The following SEC23B variants were observed in gnomAD, a reference collection of about 807,000 sequenced individuals.
SEC23B encodes protein transport protein Sec23B.
A neutral mutation model predicts 104.3 loss-of-function variants in SEC23B; 77 were observed. The observed-to-expected ratio is 0.74, with a 90% CI of 0.61 to 0.89. The LOEUF (loss-of-function observed/expected upper bound fraction) is 0.89. Among genes scored for constraint, SEC23B ranks in the 40% least tolerant of loss-of-function variants. SEC23B has a pLI of 0.00. For missense variants in SEC23B, 885 were observed against 949.4 expected (o/e 0.93, Z 0.89); for synonymous variants, 338 against 332.5 (o/e 1.02, Z -0.18).
intron 19 of SEC23B, among the ~76,000 whole-genome samples, chr20:18,556,872 T>C (rs2060444261): frequency 6.6e-6 from 1 of 152,202 alleles, no homozygotes; most frequent in African/African-American, 2.4e-5. Context: ...GGCATGCGCC[T>C]GTAGTCCCAG....
chr20:18,516,819 C>T (rs913180440), intron 4 of SEC23B, among the ~76,000 whole-genome samples: 1 of 152,048 alleles, frequency 6.6e-6, no homozygotes, highest in African/African-American at 2.4e-5. Flanking sequence ...TCCGAAAGTG[C>T]TGGGATTACA....
intron 12 of SEC23B, among the ~76,000 whole-genome samples, chr20:18,538,698 A>G (rs1238272013): frequency 6.6e-6 from 1 of 152,198 alleles, no homozygotes; most frequent in Non-Finnish European, 1.5e-5. Flanking sequence ...CAATTCTCTT[A>G]AACTTTGCTG....
intron 12 of SEC23B, among the ~76,000 whole-genome samples, chr20:18,536,026 C>T (rs777317379): frequency 2.0e-5 from 3 of 152,128 alleles, no homozygotes; most frequent in Non-Finnish European, 4.4e-5. Context: ...TTTAGTGCAT[C>T]GGTTCTTTCC....
chr20:18,537,040 G>A (rs2060238212), intron 12 of SEC23B, among the ~76,000 whole-genome samples: 2 of 152,174 alleles, frequency 1.3e-5, no homozygotes, highest in African/African-American at 4.8e-5. Context: ...CATATAAGTG[G>A]ACCTGTACAG....
At chr20:18,537,649 A>G (rs574975331) in intron 12 of SEC23B, among the ~76,000 whole-genome samples, 166 of 152,286 alleles carry the variant, frequency 1.1e-3, no homozygotes, top group Non-Finnish European at 1.8e-3. Context: ...TGATGAGTTA[A>G]TGGGTACAGC....
chr20:18,524,840 A>G (rs1027234786), intron 5 of SEC23B, 95 bp from the exon 6 acceptor site: 1 of 1,400,164 alleles, frequency 7.1e-7, no homozygotes, highest in South Asian at 1.2e-5. Flanking sequence ...CTAGAGGCAC[A>G]TGCCACCACA....
At chr20:18,548,168 C>G (rs897451957) in intron 15 of SEC23B, among the ~76,000 whole-genome samples, 1 of 152,042 alleles carries the variant, frequency 6.6e-6, no homozygotes, top group Non-Finnish European at 1.5e-5. Context: ...TCAGGCTGGT[C>G]TTGAACTCCC....
Position 18,554,358 on chromosome 20 carries a change from C to T in SEC23B, c.2116C>T (p.Arg706Cys), listed in dbSNP as rs766037721. The T allele has an allele frequency of 6.2e-6, 10 of 1,614,038 alleles. No homozygotes were observed. The highest frequency in any genetic ancestry group is 1.7e-5 in the Admixed American group (1 of 59,996). Residue 706 changes from arginine (R) to cysteine (C), a missense_variant, in exon 18 of 20, where the codon CGT (arginine) becomes TGT (cysteine). Transcript: ENST00000650089. ...EILQARFPMP[R>C]YINTEHGGSQ... ...TCTGCAAGCACGCTTCCCGATGCCA[C>T]GTTACATCAACACGGAGCATGGAGG...
Position 18,526,048 on chromosome 20 carries a change from A to G in SEC23B, c.834+116A>G, listed in dbSNP as rs113825530. On this transcript the variant is annotated intron_variant, in intron 7 of 19. Transcript: ENST00000650089. ...CTAAGTCAACCGTCTGTGTTAATGT[A>G]TCAGAAAGCATTTGAGGCATCATTA... The G allele has an allele frequency of 0.011, 13,678 of 1,229,084 alleles. 117 individuals are homozygous for G. Among genetic ancestry groups the G allele is most frequent in the Middle Eastern group, 0.018 (82 of 4,436 alleles). 76.1% of individuals were successfully genotyped at this position (1,229,084 alleles called of 1,614,324 possible).
In SEC23B at chr20:18,542,293, C is replaced by T. The variant is rs1483933002; in HGVS notation, c.1405-3C>T. 1 of 1,613,914 alleles carries T rather than the reference C, an allele frequency of 6.2e-7. No individual in the cohort carries two copies. Among genetic ancestry groups the T allele is most frequent in the Non-Finnish European group, 8.5e-7 (1 of 1,179,834 alleles). On this transcript the variant is annotated splice_region_variant and splice_polypyrimidine_tract_variant and intron_variant, in intron 12 of 19. Coordinates refer to ENST00000650089, the MANE Select transcript of SEC23B (RefSeq NM_006363.6). ...GACAAGGTTATGGCCTCTCATCCTA[C>T]AGCACAACACCCCGATCCCCCAAGG...
rs1171367805 is a variant in SEC23B at position 18,548,629 on chromosome 20, A to G, written c.1764A>G (p.Arg588=). ...LYPQFMFHLR[R]SPFLQVFNNS... ...TGCAGTTTATGTTCCATCTGAGAAG[A>G]TCTCCATTTCTTCAAGTGTTTAACA... Residue 588 remains arginine (R), a synonymous_variant, in exon 16 of 20, where the codon AGA becomes AGG. Transcript: ENST00000650089. 3 of 1,613,960 alleles carry G rather than the reference A, an allele frequency of 1.9e-6. No individual in the cohort carries two copies. The highest frequency in any genetic ancestry group is 2.5e-6 in the Non-Finnish European group (3 of 1,179,940).
chr20:18,556,227 C>T (rs2060437097), intron 19 of SEC23B, among the ~76,000 whole-genome samples: 2 of 152,028 alleles, frequency 1.3e-5, no homozygotes, highest in Non-Finnish European at 2.9e-5. Context: ...CCTAACAGGC[C>T]AAGGACTGGT....
At chr20:18,522,528 C>T (rs1338197425) in intron 4 of SEC23B, among the ~76,000 whole-genome samples, 1 of 152,190 alleles carries the variant, frequency 6.6e-6, no homozygotes, top group African/African-American at 2.4e-5. Flanking sequence ...GAAATATTCC[C>T]TGGGCTAGTT....
At chr20:18,548,510 G>T (rs2060355293) in intron 15 of SEC23B, 99 bp from the exon 16 acceptor site, 32 of 1,200,268 alleles carry the variant, frequency 2.7e-5, no homozygotes, top group Non-Finnish European at 3.8e-5. Context: ...GCCCTTTTCT[G>T]GGTTCTCCTA....
At chr20:18,518,526 T>TG (rs1485369175) in intron 4 of SEC23B, among the ~76,000 whole-genome samples, 2 of 148,536 alleles carry the variant, frequency 1.3e-5, no homozygotes, top group African/African-American at 5.0e-5. Context: ...GTAACCTACA[T>TG]GGAAGAGATT....
At chr20:18,542,465 C>A in intron 13 of SEC23B, 63 bp downstream of exon 13, 1 of 1,371,592 alleles carries the variant, frequency 7.3e-7, no homozygotes, top group Non-Finnish European at 1.0e-6. Flanking sequence ...TGAAGAGATA[C>A]TTTAACATTT....
intron 15 of SEC23B, among the ~76,000 whole-genome samples, chr20:18,546,903 GTT>G (rs58809009): frequency 0.018 from 2,085 of 115,480 alleles, 74 homozygotes; most frequent in African/African-American, 0.062. Context: ...GTGGTTTGCA[GTT>G]TTTTTTTTTT....
intron 16 of SEC23B, among the ~76,000 whole-genome samples, chr20:18,549,952 C>T (rs1300126979): frequency 1.4e-5 from 2 of 146,434 alleles, no homozygotes; most frequent in African/African-American, 2.5e-5. Flanking sequence ...CCAGCCTGGG[C>T]AACAGAGCAA....
chr20:18,542,557 GC>G (rs1458088627), intron 13 of SEC23B, among the ~76,000 whole-genome samples, 155 bp downstream of exon 13: 1 of 152,166 alleles, frequency 6.6e-6, no homozygotes, highest in African/African-American at 2.4e-5. Context: ...GGCATTTTTG[GC>G]TAACCCAGTT....
Sources: allele counts gnomAD v4.1 joint callset (sites outside exome capture counted in the v4.1 genomes callset), GRCh38; gene constraint gnomAD v4.1.1; transcripts MANE v1.5; gene names NCBI Gene and HGNC (gene_info 2026-07-23, HGNC 2026-07-21).